Variants in MEIS1 observed in about 807,000 individuals in gnomAD.
MEIS1 encodes the protein homeobox protein Meis1.
In MEIS1, 5 loss-of-function variants were observed where a neutral mutation model predicts 50.8. The ratio of observed to expected loss-of-function variants is 0.10; its 90% CI spans 0.05 to 0.21. MEIS1 has a LOEUF of 0.21. Ranked by LOEUF, MEIS1 falls within the 10% of genes least tolerant of loss-of-function variation. MEIS1 has a pLI of 1.00. For synonymous variants in MEIS1, 176 were observed against 179.3 expected (o/e 0.98, Z 0.15); for missense variants, 318 against 517.3 (o/e 0.61, Z 3.74).
At chr2:66,520,776 G>A (rs1201851195) in intron 8 of MEIS1, among the ~76,000 whole-genome samples, 1 of 152,124 alleles carries the variant, frequency 6.6e-6, no homozygotes, top group Non-Finnish European at 1.5e-5. Flanking sequence ...ATCCTGTAAG[G>A]TGGGCAGCAT....
At chr2:66,441,570 A>C (rs1052400484) in intron 5 of MEIS1, 106 bp downstream of exon 5, 19 of 915,856 alleles carry the variant, frequency 2.1e-5, no homozygotes, top group Middle Eastern at 3.0e-4. Context: ...ATTTGCATAA[A>C]TGTCTTTCTT....
chr2:66,519,027 A>G (rs1674044156), intron 8 of MEIS1, among the ~76,000 whole-genome samples: 1 of 152,212 alleles, frequency 6.6e-6, no homozygotes, highest in South Asian at 2.1e-4. Context: ...CTATCTGCTC[A>G]TGTATGTCCC....
At chr2:66,450,296 GT>G (rs1672248165) in intron 6 of MEIS1, among the ~76,000 whole-genome samples, 1 of 152,080 alleles carries the variant, frequency 6.6e-6, no homozygotes, top group Non-Finnish European at 1.5e-5. Context: ...ACAACCTTGA[GT>G]GTGTAATGTT....
chr2:66,515,507 C>T (rs1167001069), intron 8 of MEIS1, among the ~76,000 whole-genome samples: 2 of 152,114 alleles, frequency 1.3e-5, no homozygotes, highest in South Asian at 2.1e-4. Flanking sequence ...ATCAGTAGCA[C>T]ATTTTACTAC....
intron 8 of MEIS1, among the ~76,000 whole-genome samples, chr2:66,534,207 C>G (rs535154184): frequency 6.6e-6 from 1 of 152,210 alleles, no homozygotes; most frequent in East Asian, 1.9e-4. Flanking sequence ...CTTTAGTTAT[C>G]TAACTAAATT....
rs150102994 is a variant in MEIS1, at chr2:66,563,807, C to T, written c.966-3646C>T. Reference sequence around the variant, plus strand: ...GTATCTGAATTCACCCTGAAGCCATCTAAACATGGCTCTGCTGTGTGTAGC... The same window carrying T: ...GTATCTGAATTCACCCTGAAGCCATTTAAACATGGCTCTGCTGTGTGTAGC... On this transcript the variant is annotated intron_variant, in intron 9 of 12. Coordinates refer to ENST00000272369, the MANE Select transcript of MEIS1 (RefSeq NM_002398.3). Among the ~76,000 whole-genome samples the T allele has an allele frequency of 2.9e-3, 448 of 152,208 alleles. 1 individual carries two copies. Among genetic ancestry groups the T allele is most frequent in the Non-Finnish European group, 4.8e-3 (325 of 68,006 alleles).
chr2:66,523,493 G>A (rs1386598095), intron 8 of MEIS1, among the ~76,000 whole-genome samples: 1 of 152,174 alleles, frequency 6.6e-6, no homozygotes, highest in East Asian at 1.9e-4. Flanking sequence ...TGTTGCAATA[G>A]CACCATAAAT....
chr2:66,519,420 G>A (rs990642847), intron 8 of MEIS1, among the ~76,000 whole-genome samples: 2 of 152,118 alleles, frequency 1.3e-5, no homozygotes, highest in South Asian at 2.1e-4. Context: ...TGCAGAGTCC[G>A]GAGTGTGGGC....
At chr2:66,536,751 G>A (rs1478976508) in intron 8 of MEIS1, among the ~76,000 whole-genome samples, 3 of 152,156 alleles carry the variant, frequency 2.0e-5, no homozygotes, top group African/African-American at 4.8e-5. Flanking sequence ...TGTCTAAAAC[G>A]ACTATACATA....
chr2:66,473,397 A>AAAAAAAAAAAATAT, intron 7 of MEIS1, among the ~76,000 whole-genome samples: 13 of 107,588 alleles, frequency 1.2e-4, no homozygotes, highest in African/African-American at 7.6e-4. Flanking sequence ...AAAAAAAAAA[A>AAAAAAAAAAAATAT]ATATATATAT....
At chr2:66,462,012 C>T in intron 6 of MEIS1, 4 of 397,392 alleles carry the variant, frequency 1.0e-5, no homozygotes, top group South Asian at 6.1e-5. Flanking sequence ...TTGAATTAAT[C>T]TACATCCTGC....
intron 8 of MEIS1, among the ~76,000 whole-genome samples, chr2:66,527,714 A>G (rs1009865208): frequency 6.6e-6 from 1 of 151,634 alleles, no homozygotes; most frequent in Non-Finnish European, 1.5e-5. Flanking sequence ...TGGTTTGAGG[A>G]GAGATGGCTA....
chr2:66,528,362 A>C (rs1043374427), intron 8 of MEIS1, among the ~76,000 whole-genome samples: 3 of 152,160 alleles, frequency 2.0e-5, no homozygotes, highest in African/African-American at 7.2e-5. Context: ...CCAATGCTTT[A>C]TTATTCTAAT....
At chr2:66,508,172 G>GT (rs1434374027) in intron 7 of MEIS1, among the ~76,000 whole-genome samples, 7 of 152,144 alleles carry the variant, frequency 4.6e-5, no homozygotes, top group Non-Finnish European at 8.8e-5. Context: ...GAAACCTGGT[G>GT]TTTTTTTAAA....
rs558594033 is a variant in MEIS1 at position 66,571,326 on chromosome 2, C to T, written c.*118C>T. The T allele has an allele frequency of 1.3e-6, 2 of 1,597,598 alleles. No homozygotes were observed. The highest frequency in any genetic ancestry group is 1.7e-6 in the Non-Finnish European group (2 of 1,172,226). ...TATGGGACAGCCAAGTTATACCCAA[C>T]CCCAGATGCCCCCCCATCCTGCTCA... is the stretch of plus-strand genomic sequence containing the variant. On this transcript the variant is annotated 3_prime_UTR_variant, in exon 13 of 13. Transcript: ENST00000272369.
At chr2:66,570,873 G>A in intron 12 of MEIS1, 1 of 218,958 alleles carries the variant, frequency 4.6e-6, no homozygotes, top group Non-Finnish European at 8.8e-6. Context: ...AGCCTGTGTA[G>A]TTCAGCTGCC....
chr2:66,497,372 G>A (rs1673432205), intron 7 of MEIS1, among the ~76,000 whole-genome samples: 1 of 152,082 alleles, frequency 6.6e-6, no homozygotes. Context: ...AGGATTGTGA[G>A]AATTAATTGA....
At chr2:66,548,191 G>A (rs1674836013) in intron 9 of MEIS1, among the ~76,000 whole-genome samples, 172 bp downstream of exon 9, 1 of 152,148 alleles carries the variant, frequency 6.6e-6, no homozygotes, top group African/African-American at 2.4e-5. Flanking sequence ...TTGCTAGTAT[G>A]GGAAATAAAA....
intron 7 of MEIS1, among the ~76,000 whole-genome samples, chr2:66,473,609 GTTAC>G (rs1345450280): frequency 6.6e-6 from 1 of 151,838 alleles, no homozygotes; most frequent in Non-Finnish European, 1.5e-5. Context: ...TCTGTGGTTT[GTTAC>G]TTACTTACAT....
Sources: gnomAD v4.1 joint callset for allele counts (sites outside exome capture counted in the v4.1 genomes callset) on GRCh38, gnomAD v4.1.1 for gene constraint, MANE v1.5 for transcripts, NCBI Gene and HGNC (gene_info 2026-07-23, HGNC 2026-07-21) for gene names.